The following CDC5L variants were observed in gnomAD, a reference collection of about 807,000 sequenced individuals.
CDC5L encodes cell division cycle 5 like, also known as cell division cycle 5-like protein.
A neutral mutation model predicts 104.1 loss-of-function variants in CDC5L; 18 were observed. The observed-to-expected ratio is 0.17, with a 90% CI of 0.12 to 0.26. The LOEUF (loss-of-function observed/expected upper bound fraction) is 0.26, where lower values mean the gene tolerates loss of function less well. Among genes scored for constraint, CDC5L ranks in the 10% least tolerant of loss-of-function variants. The pLI, the probability that CDC5L is intolerant of heterozygous loss-of-function variation, is 1.00. For synonymous variants in CDC5L, 331 were observed against 322.7 expected (o/e 1.03, Z -0.28); for missense variants, 673 against 956.9 (o/e 0.70, Z 3.91).
intron 7 of CDC5L, 126 bp from the exon 8 acceptor site, chr6:44,408,318 T>A (rs1791468298): frequency 1.8e-6 from 1 of 541,908 alleles, no homozygotes; most frequent in Non-Finnish European, 3.2e-6. Flanking sequence ...CCCAGGTAGG[T>A]CCCGAACTCC....
chr6:44,421,586 C>G (rs965278865), intron 9 of CDC5L, among the ~76,000 whole-genome samples: 3 of 152,174 alleles, frequency 2.0e-5, no homozygotes, highest in Non-Finnish European at 2.9e-5. Flanking sequence ...AGTCGGCTCT[C>G]TGTATCTGAG....
intron 8 of CDC5L, among the ~76,000 whole-genome samples, chr6:44,418,151 C>T (rs1351205513): frequency 6.6e-6 from 1 of 152,100 alleles, no homozygotes; most frequent in Non-Finnish European, 1.5e-5. Context: ...CCCTCTCCCC[C>T]CACCCTCCAA....
At chr6:44,394,874 A>G (rs1352211098) in intron 4 of CDC5L, among the ~76,000 whole-genome samples, 1 of 78,128 alleles carries the variant, frequency 1.3e-5, no homozygotes, top group Non-Finnish European at 2.3e-5. Flanking sequence ...AAAAAAAAAA[A>G]AAAAAAAAAA....
intron 9 of CDC5L, 107 bp from the exon 10 acceptor site, chr6:44,422,540 C>CT (rs1010827337): frequency 0.015 from 10,213 of 697,708 alleles, no homozygotes; most frequent in Non-Finnish European, 0.017. Flanking sequence ...AATCTTTATT[C>CT]TTTTTTTTTT....
At chr6:44,408,257 T>C (rs1791463789) in intron 7 of CDC5L, among the ~76,000 whole-genome samples, 187 bp from the exon 8 acceptor site, 2 of 151,818 alleles carry the variant, frequency 1.3e-5, no homozygotes, top group African/African-American at 4.8e-5. Flanking sequence ...AGCTCTCAGT[T>C]AAAATGTTGG....
chr6:44,422,540 CTT>C, intron 9 of CDC5L, 105 bp from the exon 10 acceptor site: 3 of 724,592 alleles, frequency 4.1e-6, no homozygotes, highest in Non-Finnish European at 6.4e-6. Flanking sequence ...AATCTTTATT[CTT>C]TTTTTTTTCT....
At position 44,412,917 on chromosome 6, in the gene CDC5L, G is replaced by T. The variant is rs1333478790; in HGVS notation, c.1092+4285G>T. Among the ~76,000 whole-genome samples, 5 of 149,842 alleles carry T rather than the reference G, an allele frequency of 3.3e-5. No individual in the cohort carries two copies. The South Asian group carries it at 1.1e-3, about 32-fold the overall frequency. ...CCTGCCTCAGCCTCCCAAGTAGCTG[G>T]GACTACAGGCGCCCGCCACTACGCC... On this transcript the variant is annotated intron_variant, in intron 8 of 15. Transcript: ENST00000371477.
intron 14 of CDC5L, among the ~76,000 whole-genome samples, chr6:44,432,837 G>A (rs903187221): frequency 6.6e-6 from 1 of 152,124 alleles, no homozygotes; most frequent in African/African-American, 2.4e-5. Context: ...ACTTTTGTGT[G>A]TAAAATAAGA....
At chr6:44,444,414 C>T (rs541326396) in intron 14 of CDC5L, among the ~76,000 whole-genome samples, 1 of 152,248 alleles carries the variant, frequency 6.6e-6, no homozygotes, top group South Asian at 2.1e-4. Flanking sequence ...AAGTGTGGCA[C>T]TCAGTCTGTG....
At chr6:44,433,527 G>T (rs1447665341) in intron 14 of CDC5L, among the ~76,000 whole-genome samples, 1 of 152,172 alleles carries the variant, frequency 6.6e-6, no homozygotes, top group Non-Finnish European at 1.5e-5. Context: ...CTAAACTGCT[G>T]TGTTGAGGAA....
At chr6:44,416,938 A>G (rs1791934948) in intron 8 of CDC5L, among the ~76,000 whole-genome samples, 1 of 152,230 alleles carries the variant, frequency 6.6e-6, no homozygotes, top group African/African-American at 2.4e-5. Context: ...GGACACACAC[A>G]GGGCCTTTGA....
At chr6:44,441,676 A>G (rs922862575) in intron 14 of CDC5L, among the ~76,000 whole-genome samples, 1 of 152,048 alleles carries the variant, frequency 6.6e-6, no homozygotes, top group African/African-American at 2.4e-5. Flanking sequence ...GTAATACCTT[A>G]TTGTGGTTTT....
intron 14 of CDC5L, among the ~76,000 whole-genome samples, chr6:44,434,533 A>T (rs922572359): frequency 6.6e-6 from 1 of 152,160 alleles, no homozygotes; most frequent in African/African-American, 2.4e-5. Context: ...ATGGGATCAT[A>T]TTGCTGATTG....
chr6:44,404,644 A>G (rs1791280013), intron 6 of CDC5L, among the ~76,000 whole-genome samples: 1 of 152,136 alleles, frequency 6.6e-6, no homozygotes, highest in Non-Finnish European at 1.5e-5. Flanking sequence ...GATTAGTTTT[A>G]CTAGTGGCTG....
At chr6:44,424,217 A>G (rs1368213083) in intron 10 of CDC5L, among the ~76,000 whole-genome samples, 4 of 152,284 alleles carry the variant, frequency 2.6e-5, no homozygotes, top group East Asian at 1.9e-4. Flanking sequence ...TGTAATAATC[A>G]TATCGTGGAA....
At position 44,396,274 on chromosome 6, in the gene CDC5L, A is replaced by G. The variant is rs143616632; in HGVS notation, c.440-67A>G. The G allele has an allele frequency of 5.0e-4, 490 of 978,808 alleles. 1 individual carries two copies. In the African/African-American group the frequency reaches 7.4e-3, roughly 15 times the overall value. 60.6% of individuals were successfully genotyped at this position (978,808 alleles called of 1,614,324 possible). On this transcript the variant is annotated intron_variant, in intron 4 of 15. Transcript: ENST00000371477. ...TTTTGAGCAATAGAGTGTCTCTTAC[A>G]TACCTTGCTTCTAGAGTATGTAAGA...
Position 44,403,797 on chromosome 6 carries a change from C to T in CDC5L, c.540-12C>T. The stretch of plus-strand genomic sequence containing the variant: ...GCATATGATTTTCAAAGTGATTTTG[C>T]ATTCTTTTCAGACGTCTTGCTGCCC... On this transcript the variant is annotated splice_polypyrimidine_tract_variant and intron_variant, in intron 5 of 15. Transcript: ENST00000371477. The T allele has an allele frequency of 1.3e-6, 2 of 1,576,010 alleles. No individual in the cohort carries two copies. The highest frequency in any genetic ancestry group is 8.6e-7 in the Non-Finnish European group (1 of 1,160,134).
chr6:44,445,278 A>AT (rs1468358783), intron 14 of CDC5L, among the ~76,000 whole-genome samples: 1 of 152,144 alleles, frequency 6.6e-6, no homozygotes, highest in Non-Finnish European at 1.5e-5. Context: ...CCAGAAATAA[A>AT]TTTTTGGGAT....
rs768173189 is a variant in CDC5L at position 44,392,784 on chromosome 6, T to C, written c.267T>C (p.Ile89=). 3.1e-6 allele frequency: 5 copies of C among 1,614,086 alleles called. No individual in the cohort carries two copies. The highest frequency in any genetic ancestry group is 4.2e-6 in the Non-Finnish European group (5 of 1,180,036). ...PTQWRTIAPI[I]GRTAAQCLEH... ...AGTGGAGGACCATTGCTCCAATCAT[T>C]GGAAGAACAGCGGCCCAGTGCTTAG... The change falls in exon 3 of 16, where the codon ATT becomes ATC. Residue 89 remains isoleucine (I), a synonymous_variant. Coordinates refer to ENST00000371477, the MANE Select transcript of CDC5L (RefSeq NM_001253.4).
Sources: gnomAD v4.1 joint callset for allele counts (sites outside exome capture counted in the v4.1 genomes callset) on GRCh38, gnomAD v4.1.1 for gene constraint, MANE v1.5 for transcripts, NCBI Gene and HGNC (gene_info 2026-07-23, HGNC 2026-07-21) for gene names.